Variants in NCOA1 observed in about 807,000 individuals in gnomAD.
The protein encoded by NCOA1 is nuclear receptor coactivator 1.
In NCOA1, 35 loss-of-function variants were observed where a neutral mutation model predicts 150.9. The ratio of observed to expected loss-of-function variants is 0.23; its 90% confidence interval spans 0.18 to 0.31. NCOA1 has a LOEUF of 0.31. Among genes scored for constraint, NCOA1 ranks in the 10% least tolerant of loss-of-function variants. The probability of loss-of-function intolerance (pLI) is 1.00; values close to 1 mark genes in which losing one functional copy is unlikely to be tolerated. For missense variants in NCOA1, 1,491 were observed against 1,749.3 expected (o/e 0.85, Z 2.63); for synonymous variants, 590 against 630.0 (o/e 0.94, Z 0.95).
intron 1 of NCOA1, among the ~76,000 whole-genome samples, chr2:24,514,339 CAA>C (rs879319085): frequency 7.2e-6 from 1 of 138,160 alleles, no homozygotes. Flanking sequence ...AGAAAAATAG[CAA>C]AATTTTTTTA....
At chr2:24,680,562 G>C (rs145763193) in intron 7 of NCOA1, among the ~76,000 whole-genome samples, 12 of 152,132 alleles carry the variant, frequency 7.9e-5, no homozygotes, top group Non-Finnish European at 1.5e-4. Flanking sequence ...GTTACCAGGG[G>C]CTGCGTGAAG....
chr2:24,497,675 A>G (rs1017664814), intron 1 of NCOA1, among the ~76,000 whole-genome samples: 1 of 152,096 alleles, frequency 6.6e-6, no homozygotes, highest in Admixed American at 6.6e-5. Flanking sequence ...CCATCTCAAA[A>G]AAAAAAAAAG....
In NCOA1 at chr2:24,658,653, C is replaced by T; in HGVS notation, c.-17-8C>T. The T allele has an allele frequency of 6.2e-7, 1 of 1,603,050 alleles. No homozygotes were observed. The highest frequency in any genetic ancestry group is 8.5e-7 in the Non-Finnish European group (1 of 1,170,036). On this transcript the variant is annotated splice_polypyrimidine_tract_variant and splice_region_variant and intron_variant, in intron 4 of 22. Transcript: ENST00000348332. ...GGTAGATTTCTTACTGTTGTCCTTC[C>T]TGTTTAGGTGTGAAGTTTTTCAACA...
intron 3 of NCOA1, among the ~76,000 whole-genome samples, chr2:24,605,643 AT>A (rs1284743513): frequency 6.6e-6 from 1 of 152,082 alleles, no homozygotes; most frequent in Admixed American, 6.6e-5. Flanking sequence ...ATGCCAAATT[AT>A]TTTCCATTTT....
At chr2:24,582,627 C>T (rs953555985) in intron 2 of NCOA1, among the ~76,000 whole-genome samples, 2 of 152,086 alleles carry the variant, frequency 1.3e-5, no homozygotes, top group Non-Finnish European at 2.9e-5. Flanking sequence ...TATGAAACCA[C>T]AGACGACCCC....
chr2:24,495,742 A>G (rs1366253909), intron 1 of NCOA1, among the ~76,000 whole-genome samples: 1 of 152,218 alleles, frequency 6.6e-6, no homozygotes, highest in Non-Finnish European at 1.5e-5. Context: ...CTGACCAGAC[A>G]GACAGAGGTG....
At chr2:24,630,418 A>G (rs1041829262) in intron 3 of NCOA1, among the ~76,000 whole-genome samples, 16 of 152,226 alleles carry the variant, frequency 1.1e-4, no homozygotes, top group African/African-American at 3.9e-4. Context: ...AGATTCTATT[A>G]TTGATGGGCA....
At chr2:24,637,384 A>G (rs1046667693) in intron 3 of NCOA1, among the ~76,000 whole-genome samples, 10 of 151,782 alleles carry the variant, frequency 6.6e-5, no homozygotes, top group African/African-American at 1.9e-4. Context: ...ATAAAGACAC[A>G]TGCACACGTA....
At chr2:24,732,483 A>G (rs1224362490) in intron 17 of NCOA1, among the ~76,000 whole-genome samples, 1 of 152,190 alleles carries the variant, frequency 6.6e-6, no homozygotes, top group Non-Finnish European at 1.5e-5. Flanking sequence ...CTGTTTCAGC[A>G]CTAGGTCGCT....
At chr2:24,688,169 G>A (rs937900903) in intron 8 of NCOA1, among the ~76,000 whole-genome samples, 1 of 152,098 alleles carries the variant, frequency 6.6e-6, no homozygotes, top group Admixed American at 6.5e-5. Context: ...GGTCATTGAG[G>A]TTGACTCCAT....
At chr2:24,552,711 T>C (rs1433218463) in intron 1 of NCOA1, among the ~76,000 whole-genome samples, 1 of 152,124 alleles carries the variant, frequency 6.6e-6, no homozygotes, top group African/African-American at 2.4e-5. Flanking sequence ...TATTTTGTTA[T>C]ATTCTATCTC....
intron 6 of NCOA1, among the ~76,000 whole-genome samples, chr2:24,667,888 C>T (rs1037294980): frequency 6.6e-6 from 1 of 151,924 alleles, no homozygotes; most frequent in Non-Finnish European, 1.5e-5. Flanking sequence ...TTTTTAAAAA[C>T]AGAAAAAAAA....
intron 1 of NCOA1, among the ~76,000 whole-genome samples, 22 bp downstream of exon 1, chr2:24,491,624 C>T (rs1395701300): frequency 1.4e-5 from 2 of 146,728 alleles, no homozygotes; most frequent in African/African-American, 5.0e-5. Flanking sequence ...GCTGCGGGTG[C>T]GGAGCCTCCC....
At chr2:24,509,058 G>A (rs1663821334) in intron 1 of NCOA1, among the ~76,000 whole-genome samples, 1 of 152,122 alleles carries the variant, frequency 6.6e-6, no homozygotes. Flanking sequence ...ATCAGTCTTG[G>A]CTCCTCTGTG....
At position 24,762,629 on chromosome 2, in the gene NCOA1, T is replaced by C. The variant is rs1664843130; in HGVS notation, c.4066-58T>C. 2.8e-5 allele frequency: 40 copies of C among 1,436,406 alleles called. No individual in the cohort carries two copies. In the Middle Eastern group the frequency reaches 7.1e-4, roughly 26 times the overall value. The allele number at this position is 1,436,406 out of a possible 1,614,324, so 89.0% of individuals were successfully genotyped here. On this transcript the variant is annotated intron_variant, in intron 21 of 22. Transcript: ENST00000348332. ...AGTGAGATTGTTTTTCATTGGAGAATTTGGTTTTCAGTTTAAACAACTAGC... is the reference window on the plus strand; with the variant it reads ...AGTGAGATTGTTTTTCATTGGAGAACTTGGTTTTCAGTTTAAACAACTAGC...
intron 8 of NCOA1, among the ~76,000 whole-genome samples, chr2:24,683,698 T>C (rs574801920): frequency 6.6e-6 from 1 of 152,268 alleles, no homozygotes; most frequent in South Asian, 2.1e-4. Flanking sequence ...CTAATTCTTG[T>C]AAAGGCATGG....
rs115040206 is a variant in NCOA1, at chr2:24,660,685, A to G, written c.89+1919A>G. On this transcript the variant is annotated intron_variant, in intron 5 of 22. Coordinates refer to ENST00000348332, the MANE Select transcript of NCOA1 (RefSeq NM_003743.5). ...TTTTCTACAAATACATTCCCTAGAG[A>G]TAAACAGCCTGTTACAAATTTTCAA... 7.6e-3 allele frequency among the ~76,000 whole-genome samples: 1,160 copies of G among 152,324 alleles called. 12 individuals are homozygous for G. The highest frequency in any genetic ancestry group is 0.027 in the African/African-American group (1,110 of 41,562).
intron 1 of NCOA1, among the ~76,000 whole-genome samples, chr2:24,537,243 C>T (rs751892379): frequency 2.5e-5 from 1 of 40,514 alleles, no homozygotes; most frequent in African/African-American, 4.5e-5. Context: ...GATACATACA[C>T]ACACACACAC....
chr2:24,516,955 A>ATAC (rs1558758490), intron 1 of NCOA1, among the ~76,000 whole-genome samples: 1 of 70,078 alleles, frequency 1.4e-5, no homozygotes, highest in African/African-American at 4.5e-5. Flanking sequence ...TATATATACA[A>ATAC]GTATATATAC....
Sources: gnomAD v4.1 joint callset for allele counts (sites outside exome capture counted in the v4.1 genomes callset) on GRCh38, gnomAD v4.1.1 for gene constraint, MANE v1.5 for transcripts, NCBI Gene and HGNC (gene_info 2026-07-23, HGNC 2026-07-21) for gene names.